ENDOU: variants seen among roughly 807,000 people sequenced by gnomAD.
ENDOU encodes the protein uridylate-specific endoribonuclease.
ENDOU carries 49 observed loss-of-function variants against 54.2 expected under a neutral mutation model. The observed-to-expected ratio is 0.90, with a 90% CI of 0.72 to 1.15. ENDOU has a LOEUF of 1.15. Among genes scored for constraint, ENDOU ranks in the 50% most tolerant of loss-of-function variants. The pLI is 0.00. For missense variants in ENDOU, 458 were observed against 511.4 expected, an observed-to-expected ratio of 0.90 and a Z score of 1.01; for synonymous variants, 172 against 190.5, an observed-to-expected ratio of 0.90 and a Z score of 0.80.
chr12:47,724,664 C>T (rs1434013871), intron 1 of ENDOU, among the ~76,000 whole-genome samples: 1 of 152,092 alleles, frequency 6.6e-6, no homozygotes, highest in Non-Finnish European at 1.5e-5. Flanking sequence ...CACTAGCTAC[C>T]AATTAACCCA....
At chr12:47,725,183 G>A (rs746288400) in intron 1 of ENDOU, among the ~76,000 whole-genome samples, 176 bp downstream of exon 1, 2 of 152,130 alleles carry the variant, frequency 1.3e-5, no homozygotes, top group Admixed American at 6.5e-5. Context: ...GTCCATTCCG[G>A]GACCAACGCC....
At chr12:47,711,134 G>C (rs1452755297) in intron 9 of ENDOU, among the ~76,000 whole-genome samples, 1 of 152,224 alleles carries the variant, frequency 6.6e-6, no homozygotes, top group Non-Finnish European at 1.5e-5. Flanking sequence ...TCTTCTTAAA[G>C]AATGCTGTTC....
At position 47,711,623 on chromosome 12, in the gene ENDOU, C is replaced by T. The variant is rs1450168365; in HGVS notation, c.1115+10G>A. On this transcript the variant is annotated intron_variant, in intron 9 of 9. Coordinates refer to ENST00000422538, the MANE Select transcript of ENDOU (RefSeq NM_001172439.2). ...AGTCTGCCCCCAGGCCTGGCTGGCC[C>T]CATTCTTACACTTTGCCTGGCCTGG... The T allele has an allele frequency of 6.2e-7, 1 of 1,611,976 alleles. No homozygotes were observed. The highest frequency in any genetic ancestry group is 8.5e-7 in the Non-Finnish European group (1 of 1,179,378).
intron 8 of ENDOU, among the ~76,000 whole-genome samples, chr12:47,712,090 C>T (rs568716813): frequency 1.3e-5 from 2 of 152,292 alleles, no homozygotes; most frequent in East Asian, 1.9e-4. Flanking sequence ...AGAGAAGGAT[C>T]GTTTACTGCC....
intron 8 of ENDOU, among the ~76,000 whole-genome samples, chr12:47,712,297 C>T (rs1940051602): frequency 6.6e-6 from 1 of 152,168 alleles, no homozygotes; most frequent in Non-Finnish European, 1.5e-5. Context: ...GTGCCTCCTG[C>T]CTCCTGTCCC....
In ENDOU at chr12:47,716,934, G is replaced by C. The variant is rs1940264513; in HGVS notation, c.507C>G (p.Ile169Met). ...CTTGGTTTCTGGTCTCTGACGGGGA[G>C]ATGCAGTTTTGGCTATTGAGAACGA... ...EDIVLNSQNC[I>M]SPSETRNQVD... Residue 169 changes from isoleucine to methionine, a missense_variant, in exon 5 of 10, where the codon ATC becomes ATG. Ile to Met is a conservative substitution (Grantham distance 10, BLOSUM62 1). Transcript: ENST00000422538. 1.9e-6 allele frequency: 3 copies of C among 1,614,112 alleles called. No individual in the cohort carries two copies. In the African/African-American group the frequency reaches 4.0e-5, roughly 22 times the overall value.
At position 47,725,377 on chromosome 12, in the gene ENDOU, A is replaced by G. The variant is rs1362239264; in HGVS notation, c.37T>C (p.Cys13Arg). 1 of 1,614,210 alleles carries G rather than the reference A, an allele frequency of 6.2e-7. No individual in the cohort carries two copies. Among genetic ancestry groups the G allele is most frequent in the Non-Finnish European group, 8.5e-7 (1 of 1,180,022 alleles). ...GACTTACCAGCCCAGGCCAGGCCAC[A>G]CAGCACGGCCAATACCAGGGAGATG... ...ACISLVLAVLCGLAWAGKIES... is the reference protein window; with the variant it reads ...ACISLVLAVLRGLAWAGKIES... Residue 13 changes from cysteine to arginine, a missense_variant, in exon 1 of 10, where the codon TGT (cysteine) becomes CGT (arginine). By Grantham distance (180) the Cys-to-Arg change is radical. Coordinates refer to ENST00000422538, the MANE Select transcript of ENDOU (RefSeq NM_001172439.2).
rs753728189 is a variant in ENDOU, at chr12:47,711,782, A to C, written c.973-7T>G. The C allele has an allele frequency of 1.3e-5, 21 of 1,613,860 alleles. No homozygotes were observed. The highest frequency in any genetic ancestry group is 3.3e-5 in the Admixed American group (2 of 60,008). The stretch of plus-strand genomic sequence containing the variant: ...CATCGGGGTAAGAATCCCACTGTGG[A>C]GGGAAGGGCAGAAAAGGGGGTCTGG... On this transcript the variant is annotated splice_polypyrimidine_tract_variant and splice_region_variant and intron_variant, in intron 8 of 9. Transcript: ENST00000422538.
chr12:47,717,130 A>G, intron 4 of ENDOU, 72 bp from the exon 5 acceptor site: 1 of 1,367,954 alleles, frequency 7.3e-7, no homozygotes, highest in East Asian at 2.3e-5. Context: ...TTATCTGTGT[A>G]CCTCCCCTCC....
In ENDOU at chr12:47,716,341, G is replaced by A. The variant is rs1187590663; in HGVS notation, c.710C>T (p.Thr237Ile). The A allele has an allele frequency of 1.2e-6, 2 of 1,614,156 alleles. No individual in the cohort carries two copies. The highest frequency in any genetic ancestry group is 4.5e-5 in the East Asian group (2 of 44,878). ...GCTGTAGAGCTCCTTCATGACTGCT[G>A]TCTTCATGATCTCTCTGAGGAAGGC... ...QDAFLREIMK[T>I]AVMKELYSFL... is the part of the protein sequence containing the mutation. Residue 237 changes from threonine (T) to isoleucine (I), a missense_variant, in exon 6 of 10, where the codon ACA becomes ATA. By Grantham distance (89) the Thr-to-Ile change is moderately conservative. Coordinates refer to ENST00000422538, the MANE Select transcript of ENDOU (RefSeq NM_001172439.2).
intron 1 of ENDOU, among the ~76,000 whole-genome samples, chr12:47,722,694 G>A (rs1389415360): frequency 6.6e-6 from 1 of 152,186 alleles, no homozygotes; most frequent in African/African-American, 2.4e-5. Context: ...CTTGGGCTGG[G>A]TTGTCAGCAC....
intron 1 of ENDOU, among the ~76,000 whole-genome samples, chr12:47,721,295 CT>C (rs983945399): frequency 6.6e-6 from 1 of 151,470 alleles, no homozygotes; most frequent in South Asian, 2.1e-4. Context: ...AGAGCCTTCC[CT>C]TTTTTTTTCA....
At chr12:47,716,859 G>C (rs1041203946) in intron 5 of ENDOU, 31 bp downstream of exon 5, 22 of 1,611,300 alleles carry the variant, frequency 1.4e-5, no homozygotes, top group Non-Finnish European at 1.9e-5. Context: ...GCAAGATTTA[G>C]GGGGTAGAAA....
At chr12:47,723,190 T>C (rs1940488802) in intron 1 of ENDOU, among the ~76,000 whole-genome samples, 1 of 152,158 alleles carries the variant, frequency 6.6e-6, no homozygotes, top group African/African-American at 2.4e-5. Flanking sequence ...TGAGTGGGCT[T>C]TTTCATCTCT....
At chr12:47,711,506 C>G (rs1477472031) in intron 9 of ENDOU, 127 bp downstream of exon 9, 1 of 1,152,742 alleles carries the variant, frequency 8.7e-7, no homozygotes, top group African/African-American at 1.6e-5. Flanking sequence ...AACTGAGGCC[C>G]AAAGCACAGA....
chr12:47,716,230 C>T, intron 6 of ENDOU, 70 bp downstream of exon 6: 1 of 1,508,856 alleles, frequency 6.6e-7, no homozygotes, highest in African/African-American at 1.4e-5. Context: ...TCCTAACCTT[C>T]CCCTCCCCCG....
At chr12:47,716,551 A>G in intron 5 of ENDOU, 52 bp from the exon 6 acceptor site, 1 of 1,558,100 alleles carries the variant, frequency 6.4e-7, no homozygotes, top group Non-Finnish European at 8.8e-7. Context: ...CAGGGCAGCG[A>G]CCCCTCCAGA....
chr12:47,711,743 C>T lies in ENDOU; in HGVS notation c.1005G>A (p.Gln335=). The T allele has an allele frequency of 1.2e-6, 2 of 1,614,208 alleles. No homozygotes were observed. The highest frequency in any genetic ancestry group is 1.7e-6 in the Non-Finnish European group (2 of 1,180,036). ...CCTTATAGTAGCCGTCCCAGTTGAA[C>T]TGCATTGCCAGCACATCGGGGTAAG... ...WDSYPDVLAM[Q]FNWDGYYKEV... is the part of the protein sequence containing the mutation. The change falls in exon 9 of 10, where the codon CAG becomes CAA. Residue 335 remains glutamine, a synonymous_variant. Transcript: ENST00000422538.
rs184230880 is a variant in ENDOU at position 47,718,281 on chromosome 12, G to A, written c.179-87C>T. 173 of 1,289,562 alleles carry A rather than the reference G, an allele frequency of 1.3e-4. 1 individual carries two copies. The East Asian group carries it at 3.1e-3, about 23-fold the overall frequency. 79.9% of individuals were successfully genotyped at this position (1,289,562 alleles called of 1,614,324 possible). A position where few individuals can be genotyped will look rare whatever the true frequency, so the allele number is the denominator to read the frequency against. ...CTGGTTCTCTGTTTCCCCAGCCTCA[G>A]GGGACAAGCAAGGGCACTGGAAGCA... On this transcript the variant is annotated intron_variant, in intron 2 of 9. Transcript: ENST00000422538.
Sources: gnomAD v4.1 joint callset for allele counts (sites outside exome capture counted in the v4.1 genomes callset) on GRCh38, gnomAD v4.1.1 for gene constraint, MANE v1.5 for transcripts, NCBI Gene and HGNC (gene_info 2026-07-23, HGNC 2026-07-21) for gene names.